The following SOD2 variants were observed in gnomAD, a reference collection of about 807,000 sequenced individuals.
The protein encoded by SOD2 is superoxide dismutase 2.
Under a neutral mutation model 27.0 loss-of-function variants are expected in SOD2, and 11 were observed. The ratio of observed to expected loss-of-function variants is 0.41; its 90% CI spans 0.26 to 0.67. The LOEUF is 0.67. Ranked by LOEUF, SOD2 falls within the 30% of genes least tolerant of loss-of-function variation. SOD2 has a pLI of 0.34. For synonymous variants in SOD2, 105 were observed against 103.0 expected (o/e 1.02, Z -0.12); for missense variants, 250 against 274.5 (o/e 0.91, Z 0.63).
intron 1 of SOD2, among the ~76,000 whole-genome samples, chr6:159,742,432 T>C (rs987826154): frequency 4.6e-5 from 7 of 152,180 alleles, no homozygotes; most frequent in Admixed American, 4.6e-4. Context: ...TTGAAACTTT[T>C]CTTACTTGTC....
At chr6:159,745,008 A>C (rs1444599215) in intron 1 of SOD2, 1 of 152,076 alleles carries the variant, frequency 6.6e-6, no homozygotes, top group Non-Finnish European at 1.5e-5. Context: ...CCTTCTTAAC[A>C]CATTTTGTCC....
At chr6:159,742,891 A>G (rs2842977) in intron 1 of SOD2, among the ~76,000 whole-genome samples, 70,492 of 151,246 alleles carry the variant, frequency 0.47, 18,471 homozygotes, top group Non-Finnish European at 0.58. Flanking sequence ...CCTTGTCTCT[A>G]CAAAAAAAAA....
intron 1 of SOD2, chr6:159,742,088 A>G: frequency 6.3e-7 from 1 of 1,596,460 alleles, no homozygotes; most frequent in Non-Finnish European, 8.5e-7. Context: ...TTTTTATTAG[A>G]TGGAAACAAT....
At chr6:159,682,729 A>C in intron 4 of SOD2, 91 bp from the exon 5 acceptor site, 1 of 1,280,976 alleles carries the variant, frequency 7.8e-7, no homozygotes, top group Non-Finnish European at 1.1e-6. Context: ...TTCTACTCAC[A>C]CAAAATTACC....
chr6:159,727,496 GC>G, upstream of SOD2: 1 of 993,676 alleles, frequency 1.0e-6, no homozygotes, highest in Non-Finnish European at 1.2e-6. Context: ...GGGCGGCGGG[GC>G]CTGGTTTCCT....
At chr6:159,683,808 C>T (rs1198331803) in intron 4 of SOD2, among the ~76,000 whole-genome samples, 1 of 152,082 alleles carries the variant, frequency 6.6e-6, no homozygotes, top group Non-Finnish European at 1.5e-5. Context: ...AATTGTTATG[C>T]CATGTCACTG....
At chr6:159,727,557 A>C (rs1029235056), upstream of SOD2, 9 of 988,592 alleles carry the variant, frequency 9.1e-6, no homozygotes, top group Middle Eastern at 5.1e-4. Flanking sequence ...AGGGGAGCGC[A>C]GGGGTTGCGG....
intron 1 of SOD2, among the ~76,000 whole-genome samples, chr6:159,706,227 A>G (rs1334584151): frequency 2.6e-5 from 4 of 152,214 alleles, no homozygotes; most frequent in Admixed American, 2.0e-4. Flanking sequence ...CAAAATAACC[A>G]GCGAACATCC....
Position 159,678,535 on chromosome 6 carries a change from AAAAT to A in SOD2, c.*3954_*3957del, listed in dbSNP as rs962389453. The stretch of plus-strand genomic sequence containing the variant: ...CAGTGAGACTCCATCTCTAAATAAA[AAAAT>A]AAATAAATGAAATATCCTTTACAAT... On this transcript the variant is annotated 3_prime_UTR_variant, in exon 5 of 5. Coordinates refer to ENST00000538183, the MANE Select transcript of SOD2 (RefSeq NM_000636.4). 2.6e-5 allele frequency: 4 copies of A among 152,220 alleles called. No homozygotes were observed. Among genetic ancestry groups the A allele is most frequent in the African/African-American group, 7.2e-5 (3 of 41,464 alleles). 9.4% of individuals were successfully genotyped at this position (152,220 alleles called of 1,614,324 possible). A position where few individuals can be genotyped will look rare whatever the true frequency, so the allele number is the denominator to read the frequency against.
chr6:159,674,580 A>G lies in SOD2; in HGVS notation c.*7913T>C, dbSNP rs1779734588. ...GCTAAAAACTCTCAATGAATTAGGT[A>G]TTGATGGGACATATCTCAAAATAAT... On this transcript the variant is annotated 3_prime_UTR_variant, in exon 5 of 5. Coordinates refer to ENST00000538183, the MANE Select transcript of SOD2 (RefSeq NM_000636.4). 1 of 152,244 alleles carries G rather than the reference A, an allele frequency of 6.6e-6. No homozygotes were observed. Among genetic ancestry groups the G allele is most frequent in the Non-Finnish European group, 1.5e-5 (1 of 68,046 alleles). The allele number at this position is 152,244 out of a possible 1,614,324, so 9.4% of individuals were successfully genotyped here.
chr6:159,699,001 A>C (rs1001274860), intron 1 of SOD2, among the ~76,000 whole-genome samples: 5 of 151,474 alleles, frequency 3.3e-5, no homozygotes, highest in Non-Finnish European at 7.4e-5. Context: ...GTTCAAACCC[A>C]TGTTGTTCAA....
chr6:159,724,944 G>C (rs1401790576), intron 1 of SOD2, among the ~76,000 whole-genome samples: 3 of 150,864 alleles, frequency 2.0e-5, no homozygotes, highest in African/African-American at 7.3e-5. Context: ...AGAAGAGAGG[G>C]AGAGAAAGAA....
rs1778110754 is a variant in SOD2, at chr6:159,724,861, A to G, written c.-116+2268T>C. ...AGTCAGACCCTGTTCTCAAAAAAGA[A>G]AAAAAAAAAGAAAAGCAAGAGAAGG... On this transcript the variant is annotated intron_variant, in intron 1 of 2. Transcript: ENST00000401980. Among the ~76,000 whole-genome samples, 5 of 148,956 alleles carry G rather than the reference A, an allele frequency of 3.4e-5. No individual in the cohort carries two copies. In the South Asian group the frequency reaches 1.1e-3, roughly 32 times the overall value.
At chr6:159,759,781 C>T (rs1780085870) in intron 1 of SOD2, among the ~76,000 whole-genome samples, 1 of 152,078 alleles carries the variant, frequency 6.6e-6, no homozygotes, top group Admixed American at 6.5e-5. Flanking sequence ...CCTCAGGGGA[C>T]AGATTCTGTT....
rs1366790510 is a variant in SOD2 at position 159,672,087 on chromosome 6, C to T, written c.*10406G>A. 1 of 152,118 alleles carries T rather than the reference C, an allele frequency of 6.6e-6. No individual in the cohort carries two copies. Among genetic ancestry groups the T allele is most frequent in the African/African-American group, 2.4e-5 (1 of 41,418 alleles). The allele number at this position is 152,118 out of a possible 1,614,324, so 9.4% of individuals were successfully genotyped here. Reference sequence around the variant, plus strand: ...AACAAAGCTTCCAAGAAATATGGGACTATGTGAAAAGACCAAATCTACGTC... The same window carrying T: ...AACAAAGCTTCCAAGAAATATGGGATTATGTGAAAAGACCAAATCTACGTC... On this transcript the variant is annotated 3_prime_UTR_variant, in exon 5 of 5. Transcript: ENST00000538183.
intron 1 of SOD2, among the ~76,000 whole-genome samples, chr6:159,718,764 A>C (rs1314978846): frequency 6.6e-6 from 1 of 152,164 alleles, no homozygotes; most frequent in Non-Finnish European, 1.5e-5. Context: ...AAGGTAAATA[A>C]ATAATGTGTC....
chr6:159,742,274 G>GCCTATGTA, intron 1 of SOD2: 1 of 705,670 alleles, frequency 1.4e-6, no homozygotes, highest in Non-Finnish European at 2.3e-6. Context: ...CTGTACATAG[G>GCCTATGTA]CACTGTGTTG....
At chr6:159,698,351 A>G (rs1410167856) in intron 1 of SOD2, among the ~76,000 whole-genome samples, 5 of 151,816 alleles carry the variant, frequency 3.3e-5, no homozygotes, top group African/African-American at 9.7e-5. Flanking sequence ...CAGTGAGCTG[A>G]GATCCTGCCA....
rs564939722 is a variant in SOD2 at position 159,673,306 on chromosome 6, GCAC to G, written c.*9184_*9186del. The G allele has an allele frequency of 1.6e-3, 249 of 152,264 alleles. 2 individuals are homozygous for G. The highest frequency in any genetic ancestry group is 5.8e-3 in the African/African-American group (242 of 41,542). The allele number at this position is 152,264 out of a possible 1,614,324, so 9.4% of individuals were successfully genotyped here. ...ATCAACAGAATATACATTCTTCTCA[GCAC>G]CACATCGCACCTATTCCAAAATTGA... On this transcript the variant is annotated 3_prime_UTR_variant, in exon 5 of 5. Coordinates refer to ENST00000538183, the MANE Select transcript of SOD2 (RefSeq NM_000636.4).
Sources: gnomAD v4.1 joint callset for allele counts (sites outside exome capture counted in the v4.1 genomes callset) on GRCh38, gnomAD v4.1.1 for gene constraint, MANE v1.5 for transcripts, NCBI Gene and HGNC (gene_info 2026-07-23, HGNC 2026-07-21) for gene names.